The following GALNT18 variants were observed in gnomAD, a reference collection of about 807,000 sequenced individuals.
The protein encoded by GALNT18 is polypeptide N-acetylgalactosaminyltransferase 18.
Under a neutral mutation model 69.5 loss-of-function variants are expected in GALNT18, and 44 were observed. The observed-to-expected ratio is 0.63, with a 90% CI of 0.50 to 0.81. The LOEUF is 0.81. Among genes scored for constraint, GALNT18 ranks in the 40% least tolerant of loss-of-function variants. The pLI is 0.00. For synonymous variants in GALNT18, 364 were observed against 318.2 expected (o/e 1.14, Z -1.53); for missense variants, 715 against 810.0 (o/e 0.88, Z 1.42).
intron 9 of GALNT18, among the ~76,000 whole-genome samples, chr11:11,300,606 G>T (rs550640060): frequency 6.6e-6 from 1 of 152,280 alleles, no homozygotes; most frequent in South Asian, 2.1e-4. Context: ...CACATAATGG[G>T]GTGATTGCAA....
chr11:11,581,336 G>A (rs898963098), intron 1 of GALNT18, among the ~76,000 whole-genome samples: 2 of 152,188 alleles, frequency 1.3e-5, no homozygotes, highest in Non-Finnish European at 2.9e-5. Flanking sequence ...ATTTTCATCC[G>A]GGTACACAAA....
At position 11,270,938 on chromosome 11, in the gene GALNT18, T is replaced by A. The variant is rs1314907449; in HGVS notation, c.*206A>T. 12 of 467,720 alleles carry A rather than the reference T, an allele frequency of 2.6e-5. No homozygotes were observed. The highest frequency in any genetic ancestry group is 1.0e-4 in the Admixed American group (3 of 30,112). The allele number at this position is 467,720 out of a possible 1,614,324, so 29.0% of individuals were successfully genotyped here. ...TTTCCATCTGTCCCCTATTTACAAC[T>A]GCAAAATAGTTTGATATCATACCAT... is the stretch of plus-strand genomic sequence containing the variant. On this transcript the variant is annotated 3_prime_UTR_variant, in exon 11 of 11. Coordinates refer to ENST00000227756, the MANE Select transcript of GALNT18 (RefSeq NM_198516.3).
chr11:11,379,170 G>T lies in GALNT18; in HGVS notation c.690C>A (p.Gly230=), dbSNP rs1303985212. The T allele has an allele frequency of 3.1e-6, 5 of 1,612,384 alleles. No individual in the cohort carries two copies. Among genetic ancestry groups the T allele is most frequent in the Admixed American group, 3.3e-5 (2 of 60,028 alleles). The part of the protein sequence containing the change: ...IKVVRHSKQE[G]LIRSRVSGWR... ...AGCCACTGACCCTGGAGCGGATGAG[G>T]CCTTCCTGCTTGCTGTGACGCACGA... Residue 230 remains glycine, a synonymous_variant, in exon 4 of 11, where the codon GGC becomes GGA. Transcript: ENST00000227756.
At position 11,517,070 on chromosome 11, in the gene GALNT18, C is replaced by T. The variant is rs572339089; in HGVS notation, c.236-68134G>A. Among the ~76,000 whole-genome samples the T allele has an allele frequency of 3.9e-5, 6 of 152,322 alleles. No homozygotes were observed. In the South Asian group the frequency reaches 8.3e-4, roughly 21 times the overall value. ...TTGTCCCTTCAGCCATGTGAGGACA[C>T]GGTGAGAAGATGGCTGTCTATGAAC... On this transcript the variant is annotated intron_variant, in intron 1 of 10. Transcript: ENST00000227756.
intron 1 of GALNT18, among the ~76,000 whole-genome samples, chr11:11,560,726 C>G (rs144124197): frequency 3.3e-5 from 5 of 152,346 alleles, no homozygotes; most frequent in African/African-American, 1.2e-4. Context: ...GCTCTGTATG[C>G]CTGCCTGCCT....
At chr11:11,425,479 T>C (rs1036913471) in intron 3 of GALNT18, among the ~76,000 whole-genome samples, 23 of 152,256 alleles carry the variant, frequency 1.5e-4, no homozygotes, top group African/African-American at 5.5e-4. Context: ...TACCATTGCT[T>C]TGATGTGCTT....
chr11:11,373,893 G>T, intron 5 of GALNT18, among the ~76,000 whole-genome samples: 1 of 152,324 alleles, frequency 6.6e-6, no homozygotes. Flanking sequence ...GGAATAAAAG[G>T]AGAAATGAAG....
rs547109320 is a variant in GALNT18 at position 11,578,689 on chromosome 11, G to A, written c.235+42670C>T. ...AGGCGGGATGTCAAGGTTGTGCGTC[G>A]CAGCAGCCGGGCCTCCTGTGCGCAG... On this transcript the variant is annotated intron_variant, in intron 1 of 10. Coordinates refer to ENST00000227756, the MANE Select transcript of GALNT18 (RefSeq NM_198516.3). 5.9e-5 allele frequency among the ~76,000 whole-genome samples: 9 copies of A among 152,342 alleles called. No individual in the cohort carries two copies. In the South Asian group the frequency reaches 1.2e-3, roughly 21 times the overall value.
rs1406122745 is a variant in GALNT18, at chr11:11,586,737, G to A, written c.235+34622C>T. On this transcript the variant is annotated intron_variant, in intron 1 of 10. Transcript: ENST00000227756. The surrounding 1 kb of genome is among the most constrained non-coding windows in gnomAD (Gnocchi z 4.1). ...GCCTGTAATCACAGCCCTTTGGGAC[G>A]CCGAGGCGGGCAGATCACCTGAGGT... Among the ~76,000 whole-genome samples the A allele has an allele frequency of 2.0e-5, 3 of 152,084 alleles. No homozygotes were observed. Among genetic ancestry groups the A allele is most frequent in the South Asian group, 2.1e-4 (1 of 4,826 alleles).
intron 1 of GALNT18, among the ~76,000 whole-genome samples, chr11:11,581,306 G>A (rs907151221): frequency 1.3e-5 from 2 of 152,226 alleles, no homozygotes. Flanking sequence ...AGCACTGGCT[G>A]TGGCCAATGT....
At position 11,606,540 on chromosome 11, in the gene GALNT18, G is replaced by T. The variant is rs1324105409; in HGVS notation, c.235+14819C>A. 6.6e-6 allele frequency among the ~76,000 whole-genome samples: 1 copy of T among 152,064 alleles called. No homozygotes were observed. The highest frequency in any genetic ancestry group is 2.4e-5 in the African/African-American group (1 of 41,382). Reference sequence around the variant, plus strand: ...TCCGAATCATCACTCTGGTTTGAGGGGCTGAGAAGAAGCTCTGTTCCCAGA... The same window carrying T: ...TCCGAATCATCACTCTGGTTTGAGGTGCTGAGAAGAAGCTCTGTTCCCAGA... On this transcript the variant is annotated intron_variant, in intron 1 of 10. Coordinates refer to ENST00000227756, the MANE Select transcript of GALNT18 (RefSeq NM_198516.3). The surrounding 1 kb of genome is among the most constrained non-coding windows in gnomAD (Gnocchi z 5.4).
intron 10 of GALNT18, among the ~76,000 whole-genome samples, chr11:11,289,313 T>C (rs983502275): frequency 2.1e-4 from 32 of 152,180 alleles, no homozygotes; most frequent in Non-Finnish European, 2.8e-4. Context: ...AAATAGTATT[T>C]CCAAACAGTT....
chr11:11,284,833 C>CTT (rs10664932), intron 10 of GALNT18, among the ~76,000 whole-genome samples: 132,736 of 149,404 alleles, frequency 0.89, 59,254 homozygotes, highest in Non-Finnish European at 0.94. Flanking sequence ...GAGATTAAGT[C>CTT]TTTTTTTGGT....
At position 11,439,468 on chromosome 11, in the gene GALNT18, C is replaced by A. The variant is rs1266200435; in HGVS notation, c.429-6681G>T. On this transcript the variant is annotated intron_variant, in intron 2 of 10. Transcript: ENST00000227756. The surrounding 1 kb of genome is among the most constrained non-coding windows in gnomAD (Gnocchi z 4.4). ...ATAACCCAGTAGAGAAAGACCAATT[C>A]CCTTCCTGGGCTGGAGTCCAGTCCC... 6.6e-6 allele frequency among the ~76,000 whole-genome samples: 1 copy of A among 152,328 alleles called. No homozygotes were observed. The highest frequency in any genetic ancestry group is 1.9e-4 in the East Asian group (1 of 5,174).
intron 6 of GALNT18, among the ~76,000 whole-genome samples, chr11:11,370,679 C>T (rs764117569): frequency 1.3e-5 from 2 of 152,036 alleles, no homozygotes; most frequent in African/African-American, 2.4e-5. Context: ...ATTTGAGAGC[C>T]TCACCCAGGC....
chr11:11,482,592 T>C (rs888725527), intron 1 of GALNT18, among the ~76,000 whole-genome samples: 1 of 152,160 alleles, frequency 6.6e-6, no homozygotes, highest in Non-Finnish European at 1.5e-5. Flanking sequence ...CAGCTTGGAT[T>C]CCCATACACA....
At chr11:11,316,492 A>C (rs1472270045) in intron 9 of GALNT18, among the ~76,000 whole-genome samples, 2 of 152,170 alleles carry the variant, frequency 1.3e-5, no homozygotes, top group East Asian at 3.9e-4. Flanking sequence ...GGCTTCGTGG[A>C]ATTCATCTCC....
At chr11:11,514,298 G>A (rs1857221897) in intron 1 of GALNT18, among the ~76,000 whole-genome samples, 2 of 152,204 alleles carry the variant, frequency 1.3e-5, no homozygotes, top group South Asian at 2.1e-4. Flanking sequence ...GCCCTGCAGG[G>A]AAATCCCCTC....
chr11:11,275,121 CT>C (rs1474751614), intron 10 of GALNT18, among the ~76,000 whole-genome samples: 1 of 152,258 alleles, frequency 6.6e-6, no homozygotes, highest in African/African-American at 2.4e-5. Flanking sequence ...AATGGCCACA[CT>C]GTCTTCCACA....
Sources: allele counts gnomAD v4.1 joint callset (sites outside exome capture counted in the v4.1 genomes callset), GRCh38; gene constraint gnomAD v4.1.1; non-coding constraint Gnocchi (gnomAD v3.1); transcripts MANE v1.5; gene names NCBI Gene and HGNC (gene_info 2026-07-23, HGNC 2026-07-21).